The following SCAI variants were observed in gnomAD, a reference collection of about 807,000 sequenced individuals.
SCAI encodes suppressor of cancer cell invasion.
In SCAI, 24 loss-of-function variants were observed where a neutral mutation model predicts 92.2. The ratio of observed to expected loss-of-function variants is 0.26; its 90% CI spans 0.19 to 0.37. The LOEUF is 0.37. Among genes scored for constraint, SCAI ranks in the 10% least tolerant of loss-of-function variants. SCAI has a pLI of 1.00. For missense variants in SCAI, 450 were observed against 736.2 expected (o/e 0.61, Z 4.50); for synonymous variants, 261 against 258.6 (o/e 1.01, Z -0.09).
chr9:125,103,186 C>A (rs1214792644), intron 2 of SCAI, among the ~76,000 whole-genome samples: 1 of 152,170 alleles, frequency 6.6e-6, no homozygotes, highest in Non-Finnish European at 1.5e-5. Context: ...ACCCAGTGAG[C>A]AATCTCTCTC....
At chr9:125,135,389 C>T (rs1162618111) in intron 2 of SCAI, among the ~76,000 whole-genome samples, 1 of 152,152 alleles carries the variant, frequency 6.6e-6, no homozygotes, top group African/African-American at 2.4e-5. Context: ...CGATGGCTCA[C>T]GCCTGTAATC....
At chr9:125,058,784 G>A (rs1390238369) in intron 2 of SCAI, among the ~76,000 whole-genome samples, 1 of 152,104 alleles carries the variant, frequency 6.6e-6, no homozygotes, top group Non-Finnish European at 1.5e-5. Flanking sequence ...TACAGCACAG[G>A]GGTAGAAAAA....
At chr9:125,053,061 T>G (rs945533901) in intron 3 of SCAI, among the ~76,000 whole-genome samples, 1 of 152,148 alleles carries the variant, frequency 6.6e-6, no homozygotes, top group African/African-American at 2.4e-5. Flanking sequence ...CTCCTTGGTA[T>G]ATGGCCAAGA....
intron 9 of SCAI, among the ~76,000 whole-genome samples, chr9:125,012,773 T>G (rs1042668975): frequency 3.9e-5 from 6 of 152,148 alleles, no homozygotes; most frequent in African/African-American, 1.4e-4. Context: ...GACCACATAG[T>G]TGGAAGTAAA....
chr9:124,965,001 GGTTT>G (rs1224804595), intron 17 of SCAI, among the ~76,000 whole-genome samples: 1 of 107,534 alleles, frequency 9.3e-6, no homozygotes, highest in Non-Finnish European at 2.1e-5. Flanking sequence ...TTTTGTGGCA[GGTTT>G]TTTTTTTTTT....
In SCAI at chr9:124,968,048, T is replaced by C. The variant is rs1263313801; in HGVS notation, c.1674+3322A>G. On this transcript the variant is annotated intron_variant, in intron 17 of 17. Transcript: ENST00000336505. ...ATATTCAGGTATAGGGATAAGACAT[T>C]ATAAAAGATAAAGGATATCATATGA... is the stretch of plus-strand genomic sequence containing the variant. 2.0e-5 allele frequency among the ~76,000 whole-genome samples: 3 copies of C among 152,268 alleles called. No individual in the cohort carries two copies. The East Asian group carries it at 5.8e-4, about 29-fold the overall frequency.
At position 125,050,641 on chromosome 9, in the gene SCAI, T is replaced by C. The variant is rs551420359; in HGVS notation, c.230+5235A>G. On this transcript the variant is annotated intron_variant, in intron 3 of 17. Transcript: ENST00000336505. Reference sequence around the variant, plus strand: ...CAGGCTGGAGTACAGTGGCATAACATAGCTCATTGCAGCTTCAAACCCCCG... The same window carrying C: ...CAGGCTGGAGTACAGTGGCATAACACAGCTCATTGCAGCTTCAAACCCCCG... 5.9e-5 allele frequency among the ~76,000 whole-genome samples: 9 copies of C among 152,114 alleles called. No homozygotes were observed. In the South Asian group the frequency reaches 1.9e-3, roughly 32 times the overall value.
chr9:124,975,976 G>C, intron 15 of SCAI, 138 bp downstream of exon 15: 1 of 554,096 alleles, frequency 1.8e-6, no homozygotes, highest in South Asian at 2.8e-5. Flanking sequence ...GTATATTTCA[G>C]AGCGACACCT....
At chr9:125,133,288 C>T (rs567204203) in intron 2 of SCAI, among the ~76,000 whole-genome samples, 1 of 151,954 alleles carries the variant, frequency 6.6e-6, no homozygotes, top group Non-Finnish European at 1.5e-5. Context: ...CCTACAGAGG[C>T]TGAGGCAGGA....
chr9:125,065,476 G>A (rs1833854189), intron 2 of SCAI, among the ~76,000 whole-genome samples: 1 of 152,078 alleles, frequency 6.6e-6, no homozygotes, highest in Admixed American at 6.5e-5. Flanking sequence ...CACCCAGGTG[G>A]TTTCACTGTC....
At position 124,971,816 on chromosome 9, in the gene SCAI, A is replaced by G; in HGVS notation, c.1428T>C (p.Thr476=). The part of the protein sequence containing the change: ...QDQSQRGSLF[T]LFLNNPLMAF... ...CCATTAGAGGATTGTTCAAAAAGAG[A>G]GTGAAGAGGCTACCTCGCTGAGATT... Residue 476 remains threonine (T), a synonymous_variant, in exon 16 of 18, where the codon ACT becomes ACC. Transcript: ENST00000336505. The G allele has an allele frequency of 1.2e-6, 2 of 1,605,994 alleles. No individual in the cohort carries two copies. Among genetic ancestry groups the G allele is most frequent in the South Asian group, 1.1e-5 (1 of 89,310 alleles).
At chr9:124,980,642 A>G (rs1346516364) in intron 14 of SCAI, among the ~76,000 whole-genome samples, 2 of 152,144 alleles carry the variant, frequency 1.3e-5, no homozygotes, top group African/African-American at 4.8e-5. Context: ...GATAATATTT[A>G]ATCCATGTTG....
intron 2 of SCAI, among the ~76,000 whole-genome samples, chr9:125,059,694 C>T (rs1833736383): frequency 6.6e-6 from 1 of 152,198 alleles, no homozygotes; most frequent in African/African-American, 2.4e-5. Context: ...ATCAATTACA[C>T]TGCAGAAAAT....
rs528638840 is a variant in SCAI, at chr9:125,035,254, C to G, written c.231-5515G>C. ...ACCTGTGGTCCCAGCTACTCAGAGT[C>G]TGAGGAAGGAGAATCGTTAGAGTCC... On this transcript the variant is annotated intron_variant, in intron 3 of 17. Transcript: ENST00000336505. Among the ~76,000 whole-genome samples, 126 of 152,048 alleles carry G rather than the reference C, an allele frequency of 8.3e-4. 1 individual carries two copies. Among genetic ancestry groups the G allele is most frequent in the Non-Finnish European group, 1.5e-3 (102 of 67,970 alleles).
chr9:124,962,783 G>C (rs1298621130), intron 17 of SCAI, among the ~76,000 whole-genome samples: 1 of 150,840 alleles, frequency 6.6e-6, no homozygotes, highest in East Asian at 1.9e-4. Flanking sequence ...ATTATATATT[G>C]TTTTTTCTTT....
At chr9:125,022,350 G>A (rs773781180) in intron 6 of SCAI, among the ~76,000 whole-genome samples, 6 of 151,894 alleles carry the variant, frequency 4.0e-5, no homozygotes, top group Non-Finnish European at 8.8e-5. Flanking sequence ...GCGTATACAC[G>A]TACACATTTC....
At chr9:125,117,809 T>G (rs1339071157) in intron 2 of SCAI, among the ~76,000 whole-genome samples, 1 of 152,128 alleles carries the variant, frequency 6.6e-6, no homozygotes, top group African/African-American at 2.4e-5. Context: ...GTTTTGTTTT[T>G]CTGAATAATT....
chr9:125,137,168 A>G (rs1342128417), intron 2 of SCAI, among the ~76,000 whole-genome samples: 1 of 152,194 alleles, frequency 6.6e-6, no homozygotes, highest in African/African-American at 2.4e-5. Context: ...CAACCCCTGC[A>G]CTGTTTTCTG....
At position 124,949,125 on chromosome 9, in the gene SCAI, G is replaced by A. The variant is rs138128374; in HGVS notation, c.*3682C>T. ...TGTAATCCCAGCACTTTGGGAGGCCGAGGCCAACGGATCACCTCAAATCAG... is the reference window on the plus strand; with the variant it reads ...TGTAATCCCAGCACTTTGGGAGGCCAAGGCCAACGGATCACCTCAAATCAG... On this transcript the variant is annotated 3_prime_UTR_variant, in exon 18 of 18. Transcript: ENST00000336505. The surrounding 1 kb of genome is among the most constrained non-coding windows in gnomAD (Gnocchi z 4.0). The A allele has an allele frequency of 5.0e-3, 764 of 152,494 alleles. 4 individuals carry two copies. The highest frequency in any genetic ancestry group is 0.017 in the African/African-American group (726 of 41,570). The allele number at this position is 152,494 out of a possible 1,614,324, so 9.4% of individuals were successfully genotyped here. A position where few individuals can be genotyped will look rare whatever the true frequency, so the allele number is the denominator to read the frequency against.
Sources: gnomAD v4.1 joint callset for allele counts (sites outside exome capture counted in the v4.1 genomes callset) on GRCh38, gnomAD v4.1.1 for gene constraint, Gnocchi (gnomAD v3.1) non-coding constraint, MANE v1.5 for transcripts, NCBI Gene and HGNC (gene_info 2026-07-23, HGNC 2026-07-21) for gene names.